Variants in TCP11L1 observed in about 807,000 individuals in gnomAD.
TCP11L1 encodes T-complex protein 11-like protein 1.
In TCP11L1, 28 loss-of-function variants were observed where a neutral mutation model predicts 48.9. The ratio of observed to expected loss-of-function variants is 0.57; its 90% CI spans 0.42 to 0.78. The LOEUF (loss-of-function observed/expected upper bound fraction) is 0.78, where lower values mean the gene tolerates loss of function less well. TCP11L1 is among the 30% of genes least tolerant of loss of function. The pLI is 0.00. For missense variants in TCP11L1, 505 were observed against 613.4 expected (o/e 0.82, Z 1.87); for synonymous variants, 204 against 231.9 (o/e 0.88, Z 1.09).
intron 3 of TCP11L1, chr11:33,056,631 C>T (rs1564980534): frequency 1.8e-5 from 4 of 228,100 alleles, no homozygotes; most frequent in Non-Finnish European, 3.6e-5. Context: ...GGCACTATCT[C>T]GGCTCACTGC....
rs531419035 is a variant in TCP11L1 at position 33,050,236 on chromosome 11, A to G, written c.164-4357A>G. On this transcript the variant is annotated intron_variant, in intron 2 of 9. Transcript: ENST00000334274. The stretch of plus-strand genomic sequence containing the variant: ...GAACAAAATGGAGTCTCTTATGTCT[A>G]CTTCTTTCTACATAGACACAGTAGC... Among the ~76,000 whole-genome samples, 644 of 152,306 alleles carry G rather than the reference A, an allele frequency of 4.2e-3. 5 individuals carry two copies. Among genetic ancestry groups the G allele is most frequent in the African/African-American group, 0.015 (613 of 41,558 alleles).
At chr11:33,072,366 C>G (rs967537018) in intron 9 of TCP11L1, 108 bp from the exon 10 acceptor site, 4 of 1,130,310 alleles carry the variant, frequency 3.5e-6, no homozygotes, top group African/African-American at 1.5e-5. Flanking sequence ...GAGTATTGAT[C>G]GGGGACAACT....
intron 1 of TCP11L1, among the ~76,000 whole-genome samples, chr11:33,041,774 A>T (rs1853841327): frequency 2.0e-5 from 3 of 152,056 alleles, no homozygotes. Context: ...AAACAAAAAA[A>T]CAGGCCTGAA....
intron 2 of TCP11L1, among the ~76,000 whole-genome samples, chr11:33,052,941 C>T (rs865866872): frequency 6.6e-6 from 1 of 152,048 alleles, no homozygotes; most frequent in South Asian, 2.1e-4. Flanking sequence ...TGGGGTGAGC[C>T]ATGATTGTGC....
chr11:33,057,096 T>C lies in TCP11L1; in HGVS notation c.297-19T>C. ...TATTTTGGTTTTTGCCCCCCTCCTT[T>C]TTTTTTTCACTGCCCCAGCTTGAAG... On this transcript the variant is annotated intron_variant, in intron 3 of 9. Coordinates refer to ENST00000334274, the MANE Select transcript of TCP11L1 (RefSeq NM_018393.4). The C allele has an allele frequency of 6.2e-7, 1 of 1,609,264 alleles. No homozygotes were observed. Among genetic ancestry groups the C allele is most frequent in the East Asian group, 2.2e-5 (1 of 44,846 alleles).
At chr11:33,052,640 G>A (rs1404552036) in intron 2 of TCP11L1, among the ~76,000 whole-genome samples, 1 of 152,118 alleles carries the variant, frequency 6.6e-6, no homozygotes, top group African/African-American at 2.4e-5. Context: ...TTCTAGGCCA[G>A]TACTTCTCAA....
intron 5 of TCP11L1, among the ~76,000 whole-genome samples, chr11:33,058,576 AG>A (rs1854383015): frequency 1.3e-5 from 2 of 152,046 alleles, no homozygotes; most frequent in Admixed American, 1.3e-4. Context: ...TGTAAAATGC[AG>A]AAAAGTAAAA....
chr11:33,066,084 C>A, intron 8 of TCP11L1, 73 bp downstream of exon 8: 1 of 1,569,154 alleles, frequency 6.4e-7, no homozygotes, highest in Non-Finnish European at 8.7e-7. Flanking sequence ...CCAGAGGGGT[C>A]TCCCACTGTA....
intron 9 of TCP11L1, 147 bp downstream of exon 9, chr11:33,069,006 C>T (rs1425775761): frequency 2.0e-6 from 2 of 1,022,300 alleles, no homozygotes; most frequent in Middle Eastern, 3.2e-4. Flanking sequence ...GAGACCAGGG[C>T]CACCCAACAG....
chr11:33,043,018 A>T (rs1353259539), intron 1 of TCP11L1, among the ~76,000 whole-genome samples: 1 of 152,254 alleles, frequency 6.6e-6, no homozygotes, highest in Non-Finnish European at 1.5e-5. Context: ...GTAAACTGAG[A>T]TCGCACCACT....
intron 2 of TCP11L1, among the ~76,000 whole-genome samples, chr11:33,053,243 C>G (rs536727659): frequency 6.7e-6 from 1 of 149,886 alleles, no homozygotes; most frequent in Non-Finnish European, 1.5e-5. Context: ...CTCCCAGGTT[C>G]AAGCAATCCT....
intron 9 of TCP11L1, among the ~76,000 whole-genome samples, chr11:33,069,674 A>G (rs1854721255): frequency 1.3e-5 from 2 of 151,754 alleles, no homozygotes; most frequent in Admixed American, 1.3e-4. Context: ...GGCTCACTGC[A>G]CTCCACCTCT....
At chr11:33,063,013 C>T (rs1469542074) in intron 7 of TCP11L1, among the ~76,000 whole-genome samples, 1 of 152,128 alleles carries the variant, frequency 6.6e-6, no homozygotes, top group African/African-American at 2.4e-5. Context: ...GAGTGTACCA[C>T]CACCCCCAGC....
intron 8 of TCP11L1, among the ~76,000 whole-genome samples, chr11:33,068,180 C>T (rs1264960972): frequency 6.6e-6 from 1 of 152,204 alleles, no homozygotes; most frequent in Admixed American, 6.5e-5. Flanking sequence ...GCCTTGGCCT[C>T]CCAAAGTTCT....
intron 7 of TCP11L1, among the ~76,000 whole-genome samples, chr11:33,064,510 C>A (rs547457810): frequency 6.6e-6 from 1 of 152,300 alleles, no homozygotes; most frequent in African/African-American, 2.4e-5. Flanking sequence ...CCTTCTCCTT[C>A]CCTCAGCCAC....
In TCP11L1 at chr11:33,068,873, A is replaced by AG. The variant is rs1400817380; in HGVS notation, c.1327+16dup. 8 of 1,606,788 alleles carry AG rather than the reference A, an allele frequency of 5.0e-6. No individual in the cohort carries two copies. The highest frequency in any genetic ancestry group is 6.8e-6 in the Non-Finnish European group (8 of 1,174,222). On this transcript the variant is annotated intron_variant, in intron 9 of 9. Transcript: ENST00000334274. ...GCAGGATCATGGGTACGTTTGGGGAAGGCAGGCAGCAGGGATGTGCCCTCT... is the reference window on the plus strand; with the variant it reads ...GCAGGATCATGGGTACGTTTGGGGAAGGGCAGGCAGCAGGGATGTGCCCTCT...
intron 8 of TCP11L1, among the ~76,000 whole-genome samples, chr11:33,067,018 C>T (rs1313052723): frequency 6.6e-6 from 1 of 151,920 alleles, no homozygotes; most frequent in African/African-American, 2.4e-5. Context: ...CTTTCATAAC[C>T]GACTAACAGT....
chr11:33,061,794 G>C (rs1854475467), intron 7 of TCP11L1, 68 bp downstream of exon 7: 1 of 1,453,326 alleles, frequency 6.9e-7, no homozygotes, highest in East Asian at 2.5e-5. Context: ...AAAAAGAATA[G>C]CTTTGGCCAG....
intron 2 of TCP11L1, among the ~76,000 whole-genome samples, chr11:33,054,222 CT>C (rs879682189): frequency 2.0e-3 from 284 of 138,548 alleles, no homozygotes; most frequent in Middle Eastern, 3.7e-3. Flanking sequence ...CTGGTGTCTT[CT>C]TTTTTTTTTT....
Sources: gnomAD v4.1 joint callset for allele counts (sites outside exome capture counted in the v4.1 genomes callset) on GRCh38, gnomAD v4.1.1 for gene constraint, MANE v1.5 for transcripts, NCBI Gene and HGNC (gene_info 2026-07-23, HGNC 2026-07-21) for gene names.